CAPS2: variants seen among roughly 807,000 people sequenced by gnomAD.
CAPS2 encodes the protein calcyphosine 2.
Under a neutral mutation model 86.5 loss-of-function variants are expected in CAPS2, and 98 were observed. The ratio of observed to expected loss-of-function variants is 1.13; its 90% CI spans 0.96 to 1.34. CAPS2 has a LOEUF of 1.34. CAPS2 is among the 40% of genes most tolerant of loss of function. CAPS2 has a pLI of 0.00. For missense variants in CAPS2, 729 were observed against 686.8 expected (o/e 1.06, Z -0.69); for synonymous variants, 210 against 225.1 (o/e 0.93, Z 0.60).
chr12:75,308,657 C>T (rs2038787103), intron 7 of CAPS2, among the ~76,000 whole-genome samples: 1 of 151,730 alleles, frequency 6.6e-6, no homozygotes, highest in South Asian at 2.1e-4. Flanking sequence ...CCTTATGAGG[C>T]AGGAAAATAG....
chr12:75,305,649 G>C, intron 7 of CAPS2: 1 of 634,248 alleles, frequency 1.6e-6, no homozygotes, highest in Non-Finnish European at 3.0e-6. Context: ...GAGAAGGGCG[G>C]CGCCCACCAG....
intron 1 of CAPS2, among the ~76,000 whole-genome samples, chr12:75,353,063 T>A (rs1242950000): frequency 1.3e-5 from 2 of 151,820 alleles, no homozygotes; most frequent in African/African-American, 2.4e-5. Context: ...CAAATTGACA[T>A]CCTAACATCA....
intron 8 of CAPS2, among the ~76,000 whole-genome samples, chr12:75,301,797 A>G (rs10785185): frequency 0.56 from 85,148 of 152,018 alleles, 24,154 homozygotes; most frequent in South Asian, 0.75. Context: ...TCTTGAAAAG[A>G]TAAAAGTAAA....
At chr12:75,374,360 C>G (rs1420057845) in intron 1 of CAPS2, among the ~76,000 whole-genome samples, 5 of 152,150 alleles carry the variant, frequency 3.3e-5, no homozygotes, top group Non-Finnish European at 1.5e-5. Flanking sequence ...TCCAAATAGG[C>G]CCTCTAAGCA....
intron 11 of CAPS2, 45 bp downstream of exon 11, chr12:75,298,642 T>G (rs1297772934): frequency 1.3e-6 from 2 of 1,490,818 alleles, no homozygotes; most frequent in Non-Finnish European, 1.9e-6. Flanking sequence ...CTCCACAAAA[T>G]CCACCATCTG....
At position 75,289,764 on chromosome 12, in the gene CAPS2, C is replaced by A; in HGVS notation, c.1252G>T (p.Glu418Ter). 1 of 1,610,850 alleles carries A rather than the reference C, an allele frequency of 6.2e-7. No homozygotes were observed. The highest frequency in any genetic ancestry group is 8.5e-7 in the Non-Finnish European group (1 of 1,178,348). The change falls in exon 14 of 17, where the codon GAA (glutamate) becomes TAA (stop). Residue 418 changes from glutamate (E) to a stop codon, truncating the protein, a stop_gained. Coordinates refer to ENST00000393284, the Ensembl canonical transcript of CAPS2. LOFTEE classifies it high-confidence loss of function. ...CGAACACCTCTTTTATGTAGTTTTTCTTTTAGCACATCTGTTCAACAAGAA... is the reference window on the plus strand; with the variant it reads ...CGAACACCTCTTTTATGTAGTTTTTATTTTAGCACATCTGTTCAACAAGAA...
intron 1 of CAPS2, among the ~76,000 whole-genome samples, chr12:75,363,371 C>T (rs2043746713): frequency 6.6e-6 from 1 of 152,114 alleles, no homozygotes; most frequent in African/African-American, 2.4e-5. Context: ...CTGCTTTCTT[C>T]ACTGATTACT....
intron 1 of CAPS2, among the ~76,000 whole-genome samples, chr12:75,338,237 A>T (rs11837787): frequency 3.3e-4 from 51 of 152,286 alleles, no homozygotes; most frequent in African/African-American, 1.1e-3. Flanking sequence ...ACATATAAAG[A>T]ATATTATATC....
rs534431903 is a variant in CAPS2, at chr12:75,306,957, A to G, written c.660-2081T>C. ...CCAAAAAAAAAATTGACTACAAGTTAGCACTCAGAGGAGAAGGAGTAAGGG... is the reference window on the plus strand; with the variant it reads ...CCAAAAAAAAAATTGACTACAAGTTGGCACTCAGAGGAGAAGGAGTAAGGG... On this transcript the variant is annotated intron_variant, in intron 7 of 16. Transcript: ENST00000393284. 1.5e-3 allele frequency among the ~76,000 whole-genome samples: 232 copies of G among 152,270 alleles called. 3 individuals carry two copies. Among genetic ancestry groups the G allele is most frequent in the East Asian group, 1.2e-3 (6 of 5,156 alleles).
intron 8 of CAPS2, among the ~76,000 whole-genome samples, chr12:75,302,515 T>A (rs1045690227): frequency 6.6e-6 from 1 of 152,178 alleles, no homozygotes; most frequent in African/African-American, 2.4e-5. Flanking sequence ...CAAAGGACAT[T>A]AACAATACAG....
chr12:75,346,625 G>A (rs939712415), intron 1 of CAPS2, among the ~76,000 whole-genome samples: 8 of 151,984 alleles, frequency 5.3e-5, no homozygotes, highest in East Asian at 3.9e-4. Context: ...TCCTGACCTC[G>A]CAATCTGCCC....
chr12:75,287,851 C>T (rs771349674), intron 14 of CAPS2, among the ~76,000 whole-genome samples: 1 of 152,108 alleles, frequency 6.6e-6, no homozygotes, highest in African/African-American at 2.4e-5. Flanking sequence ...GTTCCAGGGA[C>T]CCAAACTTGT....
At chr12:75,340,039 A>AC (rs2041997034) in intron 1 of CAPS2, among the ~76,000 whole-genome samples, 1 of 152,048 alleles carries the variant, frequency 6.6e-6, no homozygotes, top group Non-Finnish European at 1.5e-5. Context: ...AATTAGAATA[A>AC]TGGTCTCCAA....
intron 1 of CAPS2, among the ~76,000 whole-genome samples, chr12:75,384,721 C>T (rs898616807): frequency 1.3e-5 from 2 of 152,234 alleles, no homozygotes; most frequent in African/African-American, 2.4e-5. Context: ...TACAGACCAA[C>T]GTCTCTCATG....
downstream of CAPS2, chr12:75,276,433 G>A (rs1398280558): frequency 9.2e-6 from 9 of 980,742 alleles, no homozygotes; most frequent in Non-Finnish European, 1.1e-5. Flanking sequence ...AATAAGATAT[G>A]ATCTACAGCT....
chr12:75,354,172 G>T (rs963318395), intron 1 of CAPS2, among the ~76,000 whole-genome samples: 60 of 145,482 alleles, frequency 4.1e-4, no homozygotes, highest in Non-Finnish European at 6.2e-4. Context: ...AAAAAGGGGG[G>T]GGGGTATTCA....
intron 1 of CAPS2, chr12:75,366,945 C>T (rs1337812256): frequency 1.4e-6 from 1 of 701,772 alleles, no homozygotes; most frequent in Non-Finnish European, 2.6e-6. Flanking sequence ...CCCACTCAGT[C>T]CCCAGTCACC....
chr12:75,329,898 G>C, upstream of CAPS2: 1 of 1,537,718 alleles, frequency 6.5e-7, no homozygotes, highest in Non-Finnish European at 8.8e-7. Flanking sequence ...GACAGGCGAG[G>C]GGCACAAGAG....
intron 1 of CAPS2, among the ~76,000 whole-genome samples, chr12:75,375,587 A>T (rs543810597): frequency 6.6e-6 from 1 of 152,254 alleles, no homozygotes; most frequent in Non-Finnish European, 1.5e-5. Flanking sequence ...CTGGAAACTG[A>T]TTGAGGGTCT....
Sources: gnomAD v4.1 joint callset for allele counts (sites outside exome capture counted in the v4.1 genomes callset) on GRCh38, gnomAD v4.1.1 for gene constraint, MANE v1.5 for transcripts, NCBI Gene and HGNC (gene_info 2026-07-23, HGNC 2026-07-21) for gene names.